AP3D1: variants seen among roughly 807,000 people sequenced by gnomAD.
AP3D1 encodes the protein adaptor related protein complex 3 subunit delta 1.
AP3D1 carries 51 observed loss-of-function variants against 147.6 expected under a neutral mutation model. That is an observed-to-expected ratio of 0.35 (90% CI 0.28 to 0.44). The LOEUF (loss-of-function observed/expected upper bound fraction) is 0.44. AP3D1 is among the 20% of genes least tolerant of loss of function. The probability of loss-of-function intolerance (pLI) is 1.00; values close to 1 mark genes in which losing one functional copy is unlikely to be tolerated. For synonymous variants in AP3D1, 760 were observed against 663.0 expected, an observed-to-expected ratio of 1.15 and a Z score of -2.25; for missense variants, 1,421 against 1,624.2, an observed-to-expected ratio of 0.87 and a Z score of 2.15.
In AP3D1 at chr19:2,123,896, G is replaced by A. The variant is rs1341129353; in HGVS notation, c.857-17C>T. ...AGATGAGCACTGCAACAGACAGCTT[G>A]GTCAGCACCACGGTCAGCACCATGG... On this transcript the variant is annotated splice_polypyrimidine_tract_variant and intron_variant, in intron 9 of 31. Transcript: ENST00000643116. The A allele has an allele frequency of 1.9e-6, 3 of 1,567,970 alleles. No homozygotes were observed. Among genetic ancestry groups the A allele is most frequent in the South Asian group, 1.2e-5 (1 of 85,460 alleles).
intron 4 of AP3D1, among the ~76,000 whole-genome samples, chr19:2,136,493 A>C (rs2019080020): frequency 6.6e-6 from 1 of 152,162 alleles, no homozygotes; most frequent in South Asian, 2.1e-4. Context: ...CGGGAACCAA[A>C]GGTGTTCAGA....
At chr19:2,102,436 A>T (rs1289339406) in intron 31 of AP3D1, among the ~76,000 whole-genome samples, 168 bp from the exon 32 acceptor site, 1 of 152,152 alleles carries the variant, frequency 6.6e-6, no homozygotes. Flanking sequence ...TCTACTAAAA[A>T]TACAAAAAAT....
At position 2,129,310 on chromosome 19, in the gene AP3D1, G is replaced by A; in HGVS notation, c.732+8C>T. Reference sequence around the variant, plus strand: ...GGTGAGGAGGCCACATTCCCGGGCAGTACTTGCCAGCTTGATGATCTTGAT... The same window carrying A: ...GGTGAGGAGGCCACATTCCCGGGCAATACTTGCCAGCTTGATGATCTTGAT... On this transcript the variant is annotated splice_region_variant and intron_variant, in intron 7 of 31. Coordinates refer to ENST00000643116, the MANE Select transcript of AP3D1 (RefSeq NM_001261826.3). The A allele has an allele frequency of 1.9e-6, 3 of 1,613,932 alleles. No homozygotes were observed. Among genetic ancestry groups the A allele is most frequent in the Non-Finnish European group, 2.5e-6 (3 of 1,180,000 alleles).
At chr19:2,113,603 T>C (rs996281106) in intron 22 of AP3D1, among the ~76,000 whole-genome samples, 190 bp from the exon 23 acceptor site, 7 of 152,144 alleles carry the variant, frequency 4.6e-5, no homozygotes, top group Non-Finnish European at 1.0e-4. Context: ...TGGCTCTGGC[T>C]TTCGCTGCCA....
chr19:2,155,823 T>G (rs1012365586), upstream of AP3D1, among the ~76,000 whole-genome samples: 1 of 151,676 alleles, frequency 6.6e-6, no homozygotes, highest in East Asian at 1.9e-4. Context: ...GAGGCCGAGG[T>G]GGGCGGATCA....
intron 1 of AP3D1, among the ~76,000 whole-genome samples, chr19:2,150,076 A>G (rs927526493): frequency 2.0e-5 from 3 of 152,216 alleles, no homozygotes; most frequent in African/African-American, 2.4e-5. Flanking sequence ...CACTTCCAGG[A>G]AAGTGTAAAG....
In AP3D1 at chr19:2,102,063, A is replaced by C; in HGVS notation, c.*110T>G. On this transcript the variant is annotated 3_prime_UTR_variant, in exon 32 of 32. Coordinates refer to ENST00000643116, the MANE Select transcript of AP3D1 (RefSeq NM_001261826.3). ...ACGGCGGACAACATAGAGTTAAATTAACACTCAGGCTTGGGTACAGTACAC... is the reference window on the plus strand; with the variant it reads ...ACGGCGGACAACATAGAGTTAAATTCACACTCAGGCTTGGGTACAGTACAC... 5.1e-6 allele frequency: 4 copies of C among 787,986 alleles called. No individual in the cohort carries two copies. The highest frequency in any genetic ancestry group is 8.3e-6 in the Non-Finnish European group (4 of 479,468). The allele number at this position is 787,986 out of a possible 1,614,324, so 48.8% of individuals were successfully genotyped here. A position where few individuals can be genotyped will look rare whatever the true frequency, so the allele number is the denominator to read the frequency against.
At chr19:2,110,587 A>G in intron 27 of AP3D1, 120 bp downstream of exon 27, 1 of 1,126,174 alleles carries the variant, frequency 8.9e-7, no homozygotes, top group Non-Finnish European at 1.2e-6. Flanking sequence ...ACTGAGGTGC[A>G]GCCTGGGGAC....
chr19:2,147,264 G>A (rs1444006306), intron 1 of AP3D1, among the ~76,000 whole-genome samples: 1 of 150,000 alleles, frequency 6.7e-6, no homozygotes, highest in African/African-American at 2.5e-5. Context: ...AGAATTGCTT[G>A]AACCTGGGAG....
At chr19:2,139,696 C>T (rs1013605706) in intron 1 of AP3D1, among the ~76,000 whole-genome samples, 10 of 152,212 alleles carry the variant, frequency 6.6e-5, no homozygotes, top group Non-Finnish European at 1.2e-4. Flanking sequence ...TGCACAGGAG[C>T]CCCTCTCCAT....
At chr19:2,110,351 G>C in intron 27 of AP3D1, 127 bp from the exon 28 acceptor site, 1 of 799,210 alleles carries the variant, frequency 1.3e-6, no homozygotes, top group African/African-American at 1.7e-5. Context: ...GCCCCCAAGG[G>C]AGCACCAGGG....
At chr19:2,114,385 T>G (rs2018380193) in intron 21 of AP3D1, 83 bp from the exon 22 acceptor site, 1 of 1,215,190 alleles carries the variant, frequency 8.2e-7, no homozygotes, top group East Asian at 2.3e-5. Context: ...TCCAAGCATG[T>G]GGCAGTGCGG....
In AP3D1 at chr19:2,164,329, C is replaced by A. The variant is rs867766578; in HGVS notation, c.-103+27G>T. ...CCCTCCTCCGCCGCCCCTGGGGACA[C>A]CCCAAACCCCCCCAAGCCGCGCTCA... is the stretch of plus-strand genomic sequence containing the variant. On this transcript the variant is annotated intron_variant, in intron 1 of 14. Transcript: ENST00000643010. 286 of 1,115,436 alleles carry A rather than the reference C, an allele frequency of 2.6e-4. No individual in the cohort carries two copies. In the Middle Eastern group the frequency reaches 9.3e-3, roughly 36 times the overall value. 69.1% of individuals were successfully genotyped at this position (1,115,436 alleles called of 1,614,324 possible). A position where few individuals can be genotyped will look rare whatever the true frequency, so the allele number is the denominator to read the frequency against.
Position 2,108,684 on chromosome 19 carries a change from C to T in AP3D1, c.3552+3G>A. ...AGGGTGTGCACAGCAGCCCGAGGCT[C>T]ACCTTTTTCACCAGGAGGCAGACAT... On this transcript the variant is annotated splice_donor_region_variant and intron_variant, in intron 31 of 31. Coordinates refer to ENST00000643116, the MANE Select transcript of AP3D1 (RefSeq NM_001261826.3). 6.3e-7 allele frequency: 1 copy of T among 1,575,654 alleles called. No homozygotes were observed. Among genetic ancestry groups the T allele is most frequent in the Non-Finnish European group, 8.6e-7 (1 of 1,160,978 alleles).
chr19:2,154,911 G>T (rs896061854), upstream of AP3D1, among the ~76,000 whole-genome samples: 2 of 152,184 alleles, frequency 1.3e-5, 1 homozygote, highest in East Asian at 3.8e-4. Context: ...CAGGCGGGGC[G>T]GCCAGTGCCT....
chr19:2,144,811 GA>G (rs769975015), intron 1 of AP3D1, among the ~76,000 whole-genome samples: 33 of 152,258 alleles, frequency 2.2e-4, no homozygotes, highest in South Asian at 1.0e-3. Context: ...GCTGAGGCAG[GA>G]GAATTGCTTG....
intron 23 of AP3D1, 130 bp from the exon 24 acceptor site, chr19:2,113,097 C>T (rs1005446444): frequency 3.2e-5 from 22 of 680,762 alleles, no homozygotes; most frequent in Non-Finnish European, 4.4e-5. Context: ...CAGTGCCCTC[C>T]GAGTGACAGG....
chr19:2,117,107 A>C, intron 16 of AP3D1, 115 bp downstream of exon 16: 1 of 1,353,698 alleles, frequency 7.4e-7, no homozygotes, highest in Non-Finnish European at 9.9e-7. Flanking sequence ...GAGGCCTCCA[A>C]TCAGCCCCAC....
At chr19:2,140,887 T>C (rs1019529156) in intron 1 of AP3D1, among the ~76,000 whole-genome samples, 2 of 150,998 alleles carry the variant, frequency 1.3e-5, no homozygotes, top group Admixed American at 1.3e-4. Context: ...GCCTCCTGAG[T>C]AGCTAGGATT....
Sources: allele counts gnomAD v4.1 joint callset (sites outside exome capture counted in the v4.1 genomes callset), GRCh38; gene constraint gnomAD v4.1.1; transcripts MANE v1.5; gene names NCBI Gene and HGNC (gene_info 2026-07-23, HGNC 2026-07-21).